Variants in SMCHD1 observed in about 807,000 individuals in gnomAD.
SMCHD1 encodes the protein structural maintenance of chromosomes flexible hinge domain-containing protein 1.
Under a neutral mutation model 254.7 loss-of-function variants are expected in SMCHD1, and 78 were observed. The observed-to-expected ratio is 0.31, with a 90% confidence interval of 0.26 to 0.37. The LOEUF is 0.37. Among genes scored for constraint, SMCHD1 ranks in the 10% least tolerant of loss-of-function variants. The pLI, the probability that SMCHD1 is intolerant of heterozygous loss-of-function variation, is 1.00. For missense variants in SMCHD1, 1,840 were observed against 2,408.1 expected, an observed-to-expected ratio of 0.76 and a Z score of 4.94; for synonymous variants, 766 against 794.9, an observed-to-expected ratio of 0.96 and a Z score of 0.61.
Position 2,656,313 on chromosome 18 carries a change from G to A in SMCHD1, c.186+52G>A, listed in dbSNP as rs1056462244. ...CGCGTGTAGACTTGGGGGCGGGAGG[G>A]TGATGAGAAACTCAACTTGCTCACT... On this transcript the variant is annotated intron_variant, in intron 1 of 47. Transcript: ENST00000320876. 1.1e-5 allele frequency: 15 copies of A among 1,388,296 alleles called. No homozygotes were observed. The African/African-American group carries it at 2.3e-4, about 21-fold the overall frequency. The allele number at this position is 1,388,296 out of a possible 1,614,324, so 86.0% of individuals were successfully genotyped here.
Position 2,656,258 on chromosome 18 carries a change from T to C in SMCHD1, c.183T>C (p.Cys61=). ...SDYAGFRACV[C]QTLGISPEEK... ...ACGCGGGATTTCGCGCGTGTGTGTGTCAGGTACGCGAAGGGGCGAGGAAGG... is the reference window on the plus strand; with the variant it reads ...ACGCGGGATTTCGCGCGTGTGTGTGCCAGGTACGCGAAGGGGCGAGGAAGG... Residue 61 remains cysteine (C), a synonymous_variant, in exon 1 of 48, where the codon TGT becomes TGC. Transcript: ENST00000320876. The C allele has an allele frequency of 6.7e-7, 1 of 1,492,658 alleles. No homozygotes were observed. Among genetic ancestry groups the C allele is most frequent in the Non-Finnish European group, 8.8e-7 (1 of 1,131,514 alleles). 92.5% of individuals were successfully genotyped at this position (1,492,658 alleles called of 1,614,324 possible).
chr18:2,704,630 T>G (rs974588128), intron 13 of SMCHD1, among the ~76,000 whole-genome samples: 5 of 148,082 alleles, frequency 3.4e-5, no homozygotes, highest in Non-Finnish European at 7.5e-5. Context: ...TTTACTTTGG[T>G]TGGTCGTGTG....
At chr18:2,751,531 A>G in intron 33 of SMCHD1, 138 bp downstream of exon 33, 1 of 577,330 alleles carries the variant, frequency 1.7e-6, no homozygotes, top group South Asian at 2.1e-5. Context: ...CTTTGGGGTT[A>G]AAGAAATTAC....
chr18:2,777,766 C>A, intron 42 of SMCHD1, 40 bp from the exon 43 acceptor site: 3 of 1,110,630 alleles, frequency 2.7e-6, no homozygotes, highest in South Asian at 1.6e-5. Context: ...TTTAAAAAGT[C>A]ATGTGCTTTA....
intron 39 of SMCHD1, among the ~76,000 whole-genome samples, chr18:2,770,592 T>A (rs1376073174): frequency 6.6e-6 from 1 of 151,984 alleles, no homozygotes; most frequent in African/African-American, 2.4e-5. Flanking sequence ...CACAGAAAGT[T>A]TGCTGCAGTT....
intron 7 of SMCHD1, among the ~76,000 whole-genome samples, chr18:2,692,268 G>A (rs1172058984): frequency 6.6e-6 from 1 of 152,164 alleles, no homozygotes; most frequent in East Asian, 1.9e-4. Flanking sequence ...TCAAATATTG[G>A]CTGGGCACAG....
intron 39 of SMCHD1, among the ~76,000 whole-genome samples, chr18:2,771,251 C>T (rs2075979137): frequency 6.6e-6 from 1 of 152,122 alleles, no homozygotes. Flanking sequence ...ATTATGTATA[C>T]TCGTGGATTA....
At chr18:2,714,053 A>G (rs1312047105) in intron 17 of SMCHD1, among the ~76,000 whole-genome samples, 1 of 152,118 alleles carries the variant, frequency 6.6e-6, no homozygotes, top group Non-Finnish European at 1.5e-5. Flanking sequence ...CTTTGTTGCA[A>G]CGTTTTCTAT....
rs192885745 is a variant in SMCHD1, at chr18:2,791,170, G to C, written c.5720-4779G>C. On this transcript the variant is annotated intron_variant, in intron 45 of 47. Transcript: ENST00000320876. ...AGAACAACAAGAATAAGTTTTAAAA[G>C]GTGTTTCTGCAGCTAAACATGTTGA... Among the ~76,000 whole-genome samples the C allele has an allele frequency of 1.4e-3, 217 of 152,240 alleles. 1 individual carries two copies. Among genetic ancestry groups the C allele is most frequent in the Middle Eastern group, 3.4e-3 (1 of 294 alleles).
chr18:2,795,603 A>T (rs923574033), intron 45 of SMCHD1, among the ~76,000 whole-genome samples: 1 of 152,192 alleles, frequency 6.6e-6, no homozygotes, highest in Non-Finnish European at 1.5e-5. Context: ...TCTCCCTGCA[A>T]AATTTGTCCA....
intron 17 of SMCHD1, among the ~76,000 whole-genome samples, chr18:2,716,791 C>T (rs943967878): frequency 3.3e-5 from 5 of 152,218 alleles, no homozygotes; most frequent in African/African-American, 1.2e-4. Context: ...TTCCCTCCTA[C>T]CATCTGCTGC....
intron 28 of SMCHD1, among the ~76,000 whole-genome samples, chr18:2,741,910 C>T (rs1364085822): frequency 6.6e-6 from 1 of 152,178 alleles, no homozygotes; most frequent in Non-Finnish European, 1.5e-5. Flanking sequence ...TCCAGAAAAA[C>T]CAGCAAAGCT....
In SMCHD1 at chr18:2,718,849, G is replaced by A. The variant is rs758780098; in HGVS notation, c.2458+415G>A. Among the ~76,000 whole-genome samples, 23 of 152,004 alleles carry A rather than the reference G, an allele frequency of 1.5e-4. No homozygotes were observed. The highest frequency in any genetic ancestry group is 1.4e-3 in the Admixed American group (21 of 15,252). On this transcript the variant is annotated intron_variant, in intron 19 of 47. Transcript: ENST00000320876. This position sits in a 1 kb window ranked among gnomAD's most constrained non-coding sequence, Gnocchi z 4.6. Reference sequence around the variant, plus strand: ...ATTACAGATGTGAGCCACCGTGCCCGGCCCATTTTGATTTTCAAATAGCTT... The same window carrying A: ...ATTACAGATGTGAGCCACCGTGCCCAGCCCATTTTGATTTTCAAATAGCTT...
At position 2,718,797 on chromosome 18, in the gene SMCHD1, C is replaced by A. The variant is rs1485765830; in HGVS notation, c.2458+363C>A. On this transcript the variant is annotated intron_variant, in intron 19 of 47. Transcript: ENST00000320876. The surrounding 1 kb of genome is among the most constrained non-coding windows in gnomAD (Gnocchi z 4.6). ...CGATCTCATAACTTCTGATGATCTA[C>A]CTGCCTCAGCCTCCCAAAGTGCTGG... Among the ~76,000 whole-genome samples, 2 of 152,282 alleles carry A rather than the reference C, an allele frequency of 1.3e-5. No individual in the cohort carries two copies. The highest frequency in any genetic ancestry group is 2.1e-4 in the South Asian group (1 of 4,826).
rs2075334575 is a variant in SMCHD1, at chr18:2,740,761, A to T, written c.3573A>T (p.Leu1191Phe). ...TTCAAGCATTTTCACCAAGTTCTTTATCTTCTTTGTCAATTGCTGGGGTTG... is the reference window on the plus strand; with the variant it reads ...TTCAAGCATTTTCACCAAGTTCTTTTTCTTCTTTGTCAATTGCTGGGGTTG... ...NQIQAFSPSS[L>F]SSLSIAGVGL... Residue 1191 changes from leucine to phenylalanine, a missense_variant, in exon 28 of 48, where the codon TTA (leucine) becomes TTT (phenylalanine). This residue lies in a region of SMCHD1 where 881 missense variants were observed against 1,009.5 expected (regional missense o/e 0.87). Transcript: ENST00000320876. 6.2e-7 allele frequency: 1 copy of T among 1,611,992 alleles called. No individual in the cohort carries two copies. Among genetic ancestry groups the T allele is most frequent in the Non-Finnish European group, 8.5e-7 (1 of 1,178,786 alleles).
intron 44 of SMCHD1, among the ~76,000 whole-genome samples, chr18:2,781,224 T>TG (rs1422284107): frequency 6.6e-6 from 1 of 152,244 alleles, no homozygotes; most frequent in Non-Finnish European, 1.5e-5. Context: ...CAACTCCAGC[T>TG]GCTTCAGGGA....
At chr18:2,778,069 AC>A in intron 43 of SMCHD1, 99 bp from the exon 44 acceptor site, 1 of 1,015,160 alleles carries the variant, frequency 9.9e-7, no homozygotes, top group Non-Finnish European at 1.4e-6. Flanking sequence ...TAGAACGAAT[AC>A]TAGCACTCTT....
intron 44 of SMCHD1, among the ~76,000 whole-genome samples, chr18:2,780,129 C>T (rs1432534884): frequency 6.8e-6 from 1 of 147,940 alleles, no homozygotes; most frequent in Non-Finnish European, 1.5e-5. Flanking sequence ...ATCCCAGGTA[C>T]TTAGGAGGCT....
intron 44 of SMCHD1, among the ~76,000 whole-genome samples, chr18:2,780,836 A>G (rs1598439257): frequency 6.6e-6 from 1 of 152,270 alleles, no homozygotes; most frequent in East Asian, 1.9e-4. Flanking sequence ...CCAGCGTATC[A>G]CTAGGCACAG....
Sources: gnomAD v4.1 joint callset for allele counts (sites outside exome capture counted in the v4.1 genomes callset) on GRCh38, gnomAD v4.1.1 for gene constraint, gnomAD v4.1.1 regional missense constraint, Gnocchi (gnomAD v3.1) non-coding constraint, MANE v1.5 for transcripts, NCBI Gene and HGNC (gene_info 2026-07-23, HGNC 2026-07-21) for gene names.